The following SHISA6 variants were observed in gnomAD, a reference collection of about 807,000 sequenced individuals.
SHISA6 encodes shisa family member 6.
In SHISA6, 22 loss-of-function variants were observed where a neutral mutation model predicts 47.9. The ratio of observed to expected loss-of-function variants is 0.46; its 90% CI spans 0.33 to 0.66. The LOEUF (loss-of-function observed/expected upper bound fraction) is 0.66. Among genes scored for constraint, SHISA6 ranks in the 30% least tolerant of loss-of-function variants. SHISA6 has a pLI of 0.02. For missense variants in SHISA6, 680 were observed against 764.6 expected (o/e 0.89, Z 1.30); for synonymous variants, 388 against 337.8 (o/e 1.15, Z -1.63).
At chr17:11,288,865 A>G (rs559282169) in intron 2 of SHISA6, 25 of 152,276 alleles carry the variant, frequency 1.6e-4, no homozygotes, top group African/African-American at 5.5e-4. Flanking sequence ...CTGACCCGAA[A>G]TGAGGCTAAA....
At chr17:11,476,805 G>A (rs1027497404) in intron 3 of SHISA6, among the ~76,000 whole-genome samples, 4 of 152,026 alleles carry the variant, frequency 2.6e-5, no homozygotes, top group Non-Finnish European at 5.9e-5. Context: ...AGTTTAACTA[G>A]GTCCTTAATA....
At chr17:11,402,821 C>G (rs75781101) in intron 3 of SHISA6, among the ~76,000 whole-genome samples, 24,103 of 152,224 alleles carry the variant, frequency 0.16, 1,985 homozygotes, top group South Asian at 0.25. Flanking sequence ...AGGCAGGCCT[C>G]AGCGAGGGAA....
At chr17:11,534,157 CTTTTTTT>C (rs373384700) in intron 3 of SHISA6, among the ~76,000 whole-genome samples, 3 of 93,196 alleles carry the variant, frequency 3.2e-5, no homozygotes, top group Middle Eastern at 6.0e-3. Context: ...TCTTTTTTTT[CTTTTTTT>C]TTTTTTTTTT....
chr17:11,337,522 G>A (rs974606421), intron 2 of SHISA6, among the ~76,000 whole-genome samples: 1 of 152,220 alleles, frequency 6.6e-6, no homozygotes, highest in African/African-American at 2.4e-5. Flanking sequence ...GGGATGTGAC[G>A]TGGATGATTT....
intron 1 of SHISA6, among the ~76,000 whole-genome samples, chr17:11,259,081 T>C (rs904654218): frequency 6.6e-6 from 1 of 151,432 alleles, no homozygotes; most frequent in South Asian, 2.1e-4. Flanking sequence ...AGGGGATGAA[T>C]TGGGGGAGAT....
intron 3 of SHISA6, among the ~76,000 whole-genome samples, chr17:11,461,093 T>A (rs1273572337): frequency 4.3e-4 from 65 of 152,264 alleles, no homozygotes; most frequent in African/African-American, 1.5e-3. Context: ...TTATAATAAA[T>A]ATAAATATCA....
At chr17:11,546,126 A>T (rs1222857036) in intron 3 of SHISA6, among the ~76,000 whole-genome samples, 1 of 152,236 alleles carries the variant, frequency 6.6e-6, no homozygotes, top group Non-Finnish European at 1.5e-5. Context: ...GTCTCTAAAG[A>T]CTGACTTTAT....
chr17:11,439,609 A>C (rs899356371), intron 3 of SHISA6, among the ~76,000 whole-genome samples: 6 of 152,210 alleles, frequency 3.9e-5, no homozygotes, highest in African/African-American at 1.4e-4. Flanking sequence ...TAAGTAACTA[A>C]GTCCAACTAA....
chr17:11,476,826 T>C (rs970061835), intron 3 of SHISA6, among the ~76,000 whole-genome samples: 1 of 152,200 alleles, frequency 6.6e-6, no homozygotes, highest in Non-Finnish European at 1.5e-5. Flanking sequence ...ATTTTCTGCC[T>C]GTTGGATCTG....
In SHISA6 at chr17:11,489,962, A is replaced by G. The variant is rs142176638; in HGVS notation, c.896-61934A>G. On this transcript the variant is annotated intron_variant, in intron 3 of 5. Coordinates refer to ENST00000441885, the MANE Select transcript of SHISA6 (RefSeq NM_207386.4). ...GAGAAATCCTGGCTTAGGAGCATTC[A>G]AAGAATAGGGGTTTCCATCCATAGC... is the stretch of plus-strand genomic sequence containing the variant. Among the ~76,000 whole-genome samples the G allele has an allele frequency of 2.8e-3, 432 of 152,338 alleles. 1 individual carries two copies. Among genetic ancestry groups the G allele is most frequent in the Middle Eastern group, 6.8e-3 (2 of 292 alleles).
At chr17:11,378,148 AT>A (rs1478081028) in intron 2 of SHISA6, among the ~76,000 whole-genome samples, 2 of 152,156 alleles carry the variant, frequency 1.3e-5, no homozygotes, top group Non-Finnish European at 2.9e-5. Context: ...TTGTCTTTGT[AT>A]TTTCATAAAT....
At chr17:11,443,746 T>C (rs1915156181) in intron 3 of SHISA6, among the ~76,000 whole-genome samples, 1 of 152,196 alleles carries the variant, frequency 6.6e-6, no homozygotes, top group Non-Finnish European at 1.5e-5. Flanking sequence ...ATAGTAGTGG[T>C]ATTAAGATTA....
At chr17:11,393,411 C>T (rs1240747974) in intron 3 of SHISA6, among the ~76,000 whole-genome samples, 1 of 152,142 alleles carries the variant, frequency 6.6e-6, no homozygotes, top group African/African-American at 2.4e-5. Context: ...CAAAGGTCTC[C>T]TCCATGCAGT....
At chr17:11,395,513 CTTTTTTTT>C in intron 3 of SHISA6, among the ~76,000 whole-genome samples, 1 of 117,412 alleles carries the variant, frequency 8.5e-6, no homozygotes, top group Admixed American at 8.4e-5. Flanking sequence ...GGCAGTTTTA[CTTTTTTTT>C]TTTTTTTTTT....
chr17:11,346,111 AG>A (rs1381694725), intron 2 of SHISA6, among the ~76,000 whole-genome samples: 1 of 152,178 alleles, frequency 6.6e-6, no homozygotes, highest in Non-Finnish European at 1.5e-5. Flanking sequence ...TTGCAAGATG[AG>A]GATGTTCCCA....
intron 3 of SHISA6, among the ~76,000 whole-genome samples, chr17:11,465,619 C>G (rs1460720874): frequency 6.6e-6 from 1 of 152,136 alleles, no homozygotes; most frequent in African/African-American, 2.4e-5. Flanking sequence ...GGAGATCTGA[C>G]AGCTTCTCTA....
At chr17:11,422,013 A>C (rs1320146941) in intron 3 of SHISA6, among the ~76,000 whole-genome samples, 2 of 152,132 alleles carry the variant, frequency 1.3e-5, no homozygotes, top group Admixed American at 1.3e-4. Context: ...TTATTATGTC[A>C]GCGCTTGTCT....
chr17:11,535,368 C>T (rs1597574661), intron 3 of SHISA6, among the ~76,000 whole-genome samples: 1 of 152,078 alleles, frequency 6.6e-6, no homozygotes, highest in Non-Finnish European at 1.5e-5. Flanking sequence ...GCTGCATGTT[C>T]CAATAGGATG....
chr17:11,372,283 G>A (rs914757844), intron 2 of SHISA6, among the ~76,000 whole-genome samples: 2 of 152,158 alleles, frequency 1.3e-5, no homozygotes, highest in Non-Finnish European at 2.9e-5. Flanking sequence ...ATGTATGTAA[G>A]GTAAATTTCT....
Sources: allele counts gnomAD v4.1 joint callset (sites outside exome capture counted in the v4.1 genomes callset), GRCh38; gene constraint gnomAD v4.1.1; transcripts MANE v1.5; gene names NCBI Gene and HGNC (gene_info 2026-07-23, HGNC 2026-07-21).